The following TENM2 variants were observed in gnomAD, a reference collection of about 807,000 sequenced individuals.
TENM2 encodes teneurin transmembrane protein 2, also known as teneurin-2.
A neutral mutation model predicts 245.2 loss-of-function variants in TENM2; 52 were observed. The ratio of observed to expected loss-of-function variants is 0.21; its 90% CI spans 0.17 to 0.27. The LOEUF (loss-of-function observed/expected upper bound fraction) is 0.27, where lower values mean the gene tolerates loss of function less well. Among genes scored for constraint, TENM2 ranks in the 10% least tolerant of loss-of-function variants. The probability of loss-of-function intolerance (pLI) is 1.00; values close to 1 mark genes in which losing one functional copy is unlikely to be tolerated. For synonymous variants in TENM2, 1,363 were observed against 1,438.9 expected, an observed-to-expected ratio of 0.95 and a Z score of 1.19; for missense variants, 3,046 against 3,666.8, an observed-to-expected ratio of 0.83 and a Z score of 4.37.
At chr5:167,172,917 C>A in the TENM2 span, among the ~76,000 whole-genome samples, 1 of 152,246 alleles carries the variant, frequency 6.6e-6, no homozygotes, top group East Asian at 1.9e-4. Context: ...ATGATTTTAT[C>A]TTTCAAAAAT....
intron 1 of TENM2, among the ~76,000 whole-genome samples, chr5:167,345,363 C>CA (rs1758392157): frequency 6.6e-6 from 1 of 152,184 alleles, no homozygotes; most frequent in Non-Finnish European, 1.5e-5. Context: ...AATGGGGACA[C>CA]AAATGTTCTC....
intron 2 of TENM2, among the ~76,000 whole-genome samples, chr5:167,480,138 C>G (rs1767664410): frequency 6.6e-6 from 1 of 152,190 alleles, no homozygotes; most frequent in South Asian, 2.1e-4. Context: ...AGCAGGTAAG[C>G]TTTCATTTGG....
chr5:167,942,123 G>A lies in TENM2; in HGVS notation c.713-10465G>A, dbSNP rs1449923059. On this transcript the variant is annotated intron_variant, in intron 3 of 28. Coordinates refer to ENST00000518659, the Ensembl canonical transcript of TENM2. ...CTCGGGAGGCTGAGGCAGGAGAATC[G>A]CATGAACCTGGGAGGCAGAGGTTGC... is the stretch of plus-strand genomic sequence containing the variant. 7.2e-5 allele frequency among the ~76,000 whole-genome samples: 11 copies of A among 152,104 alleles called. 1 individual carries two copies. The highest frequency in any genetic ancestry group is 3.9e-4 in the East Asian group (2 of 5,158).
At chr5:168,107,625 T>G (rs1383979381) in intron 9 of TENM2, among the ~76,000 whole-genome samples, 1 of 152,066 alleles carries the variant, frequency 6.6e-6, no homozygotes, top group Non-Finnish European at 1.5e-5. Context: ...CTTAGAATGA[T>G]GTCCAAGGTC....
At chr5:167,899,705 C>G (rs551259562) in intron 3 of TENM2, among the ~76,000 whole-genome samples, 3 of 152,154 alleles carry the variant, frequency 2.0e-5, no homozygotes, top group South Asian at 4.2e-4. Context: ...CAGTAGGTGC[C>G]GGAAATCTCT....
At chr5:167,857,999 G>T (rs1331689576) in intron 2 of TENM2, among the ~76,000 whole-genome samples, 1 of 152,168 alleles carries the variant, frequency 6.6e-6, no homozygotes. Context: ...ATTATCTAAG[G>T]TTCCCTCTAA....
At chr5:167,095,615 G>A in the TENM2 span, among the ~76,000 whole-genome samples, 1 of 151,924 alleles carries the variant, frequency 6.6e-6, no homozygotes, top group Non-Finnish European at 1.5e-5. Context: ...TTTTTTAAAT[G>A]AACTCACATT....
At chr5:167,696,266 CACT>C (rs1757762043) in intron 2 of TENM2, among the ~76,000 whole-genome samples, 1 of 151,954 alleles carries the variant, frequency 6.6e-6, no homozygotes, top group Non-Finnish European at 1.5e-5. Flanking sequence ...ATTATTTTTT[CACT>C]ACAACTTATG....
intron 2 of TENM2, among the ~76,000 whole-genome samples, chr5:167,418,120 A>G (rs1314635668): frequency 2.6e-5 from 4 of 152,132 alleles, no homozygotes; most frequent in African/African-American, 9.7e-5. Flanking sequence ...ACCTGAGGTC[A>G]GGAGTTCGAG....
intron 2 of TENM2, among the ~76,000 whole-genome samples, chr5:167,541,010 C>T (rs966235640): frequency 6.6e-6 from 1 of 152,034 alleles, no homozygotes; most frequent in Middle Eastern, 3.2e-3. Flanking sequence ...GGCAAGTGGC[C>T]CAGAAGTGGG....
chr5:167,997,410 C>T (rs191899555), intron 5 of TENM2, among the ~76,000 whole-genome samples: 1 of 152,206 alleles, frequency 6.6e-6, no homozygotes, highest in African/African-American at 2.4e-5. Flanking sequence ...CATCTTCTAA[C>T]GCAGTGGATA....
chr5:167,802,484 A>G (rs961864827), intron 2 of TENM2, among the ~76,000 whole-genome samples: 3 of 152,162 alleles, frequency 2.0e-5, no homozygotes, highest in African/African-American at 7.2e-5. Flanking sequence ...ATGTGAAAGA[A>G]TTTATTTTGG....
chr5:168,148,873 T>TGATAGATAGATA (rs752440206), intron 12 of TENM2, among the ~76,000 whole-genome samples: 24 of 143,926 alleles, frequency 1.7e-4, no homozygotes, highest in East Asian at 4.1e-4. Context: ...TAAATATATA[T>TGATAGATAGATA]GATAGATAGA....
intron 2 of TENM2, among the ~76,000 whole-genome samples, chr5:167,631,662 C>T (rs1408207302): frequency 6.6e-6 from 1 of 152,064 alleles, no homozygotes; most frequent in Non-Finnish European, 1.5e-5. Flanking sequence ...ACACAAGACT[C>T]ACCTCACTTC....
intron 2 of TENM2, among the ~76,000 whole-genome samples, chr5:167,447,183 C>G (rs2127469181): frequency 6.6e-6 from 1 of 152,276 alleles, no homozygotes; most frequent in East Asian, 1.9e-4. Context: ...TCAGAGCCTC[C>G]CTCAGCCTCA....
chr5:167,159,900 T>C, the TENM2 span, among the ~76,000 whole-genome samples: 3 of 151,936 alleles, frequency 2.0e-5, no homozygotes, highest in African/African-American at 7.3e-5. Context: ...CTGCAATTAT[T>C]TACAGTGTGG....
At chr5:168,001,208 A>G (rs1040598032) in intron 5 of TENM2, among the ~76,000 whole-genome samples, 1 of 152,128 alleles carries the variant, frequency 6.6e-6, no homozygotes. Flanking sequence ...CCGTTCCCAA[A>G]TTGCACTTCT....
chr5:168,083,620 C>T (rs1467010902), intron 7 of TENM2, among the ~76,000 whole-genome samples: 1 of 152,120 alleles, frequency 6.6e-6, no homozygotes, highest in Non-Finnish European at 1.5e-5. Context: ...GGAGAAAGTT[C>T]ATATCCAAAA....
the TENM2 span, among the ~76,000 whole-genome samples, chr5:167,096,913 A>C: frequency 6.6e-6 from 1 of 152,132 alleles, no homozygotes; most frequent in African/African-American, 2.4e-5. Context: ...TGGTTTGGTT[A>C]AACTGCTGAA....
Sources: allele counts gnomAD v4.1 joint callset (sites outside exome capture counted in the v4.1 genomes callset), GRCh38; gene constraint gnomAD v4.1.1; transcripts MANE v1.5; gene names NCBI Gene and HGNC (gene_info 2026-07-23, HGNC 2026-07-21).